The following GLRA2 variants were observed in gnomAD, a reference collection of about 807,000 sequenced individuals.
GLRA2 encodes the protein glycine receptor subunit alpha-2.
A neutral mutation model predicts 31.6 loss-of-function variants in GLRA2; 11 were observed. The observed-to-expected ratio is 0.35, with a 90% CI of 0.22 to 0.58. The LOEUF is 0.58. Among genes scored for constraint, GLRA2 ranks in the 20% least tolerant of loss-of-function variants. The pLI, the probability that GLRA2 is intolerant of heterozygous loss-of-function variation, is 0.84. For synonymous variants in GLRA2, 132 were observed against 134.0 expected (o/e 0.99, Z 0.10); for missense variants, 212 against 351.8 (o/e 0.60, Z 3.18).
chrX:14,708,024 A>C (rs1041842578), intron 8 of GLRA2, among the ~76,000 whole-genome samples: 4 of 108,074 alleles, frequency 3.7e-5, no homozygotes, highest in African/African-American at 1.4e-4. Context: ...TTCTTTCATG[A>C]GAACACTAAA....
chrX:14,535,502 C>A (rs2147002262), intron 2 of GLRA2, among the ~76,000 whole-genome samples: 1 of 112,214 alleles, frequency 8.9e-6, no homozygotes, highest in East Asian at 2.8e-4. Flanking sequence ...GAAAAAATAG[C>A]TTTTCTGATG....
chrX:14,616,367 CTT>C (rs1446127483), intron 7 of GLRA2, among the ~76,000 whole-genome samples: 1 of 111,111 alleles, frequency 9.0e-6, no homozygotes, highest in East Asian at 2.8e-4. Flanking sequence ...AGAACTGTCT[CTT>C]TGAAGCAAGG....
chrX:14,700,606 A>G (rs1229229775), intron 8 of GLRA2, among the ~76,000 whole-genome samples: 1 of 111,977 alleles, frequency 8.9e-6, no homozygotes, highest in Non-Finnish European at 1.9e-5. Flanking sequence ...GTCAGAGGAC[A>G]TTGGTAACCT....
chrX:14,730,891 TACACACACACACACACACACACAC>T lies in GLRA2; in HGVS notation c.*442_*465del, dbSNP rs55910036. 4.6e-3 allele frequency: 452 copies of T among 97,801 alleles called. 3 individuals carry two copies. Among genetic ancestry groups the T allele is most frequent in the East Asian group, 0.019 (67 of 3,490 alleles). The allele number at this position is 97,801 out of a possible 1,213,427, so 8.1% of individuals were successfully genotyped here. ...AATTCTGGTACTGAAAAGTTAGCTATACACACACACACACACACACACACACACACACACACACACACACACACA... is the reference window on the plus strand; with the variant it reads ...AATTCTGGTACTGAAAAGTTAGCTATACACACACACACACACACACACACA... On this transcript the variant is annotated 3_prime_UTR_variant, in exon 9 of 9. Coordinates refer to ENST00000218075, the MANE Select transcript of GLRA2 (RefSeq NM_002063.4).
intron 7 of GLRA2, among the ~76,000 whole-genome samples, chrX:14,626,805 C>G (rs1300336410): frequency 8.9e-6 from 1 of 112,046 alleles, no homozygotes; most frequent in Non-Finnish European, 1.9e-5. Flanking sequence ...AATGAAGGAA[C>G]TGCAGTCACA....
upstream of GLRA2, among the ~76,000 whole-genome samples, chrX:14,525,245 AAG>A (rs1336224508): frequency 9.0e-6 from 1 of 111,620 alleles, no homozygotes; most frequent in African/African-American, 3.3e-5. Context: ...CTCTTGTAAA[AAG>A]AGTACAGAAT....
At chrX:14,479,530 T>C in the GLRA2 span, among the ~76,000 whole-genome samples, 1 of 111,388 alleles carries the variant, frequency 9.0e-6, no homozygotes, top group Non-Finnish European at 1.9e-5. Context: ...TTTTCAACCC[T>C]GACTCCCCCT....
At chrX:14,596,096 A>G (rs1463675923) in intron 4 of GLRA2, among the ~76,000 whole-genome samples, 2 of 111,364 alleles carry the variant, frequency 1.8e-5, no homozygotes, top group African/African-American at 6.5e-5. Flanking sequence ...GACCAGTACC[A>G]TGAGATTTCC....
chrX:14,532,444 A>T, intron 2 of GLRA2, 72 bp downstream of exon 2: 1 of 613,784 alleles, frequency 1.6e-6, no homozygotes, highest in Non-Finnish European at 2.4e-6. Context: ...ACTGAAAAAC[A>T]TTTTCAGGGC....
chrX:14,597,900 G>C (rs753251265), intron 4 of GLRA2, among the ~76,000 whole-genome samples: 5 of 111,843 alleles, frequency 4.5e-5, no homozygotes, highest in African/African-American at 6.5e-5. Flanking sequence ...TGTCTGCCTT[G>C]TGTGATAATA....
the GLRA2 span, among the ~76,000 whole-genome samples, chrX:14,492,767 C>T: frequency 9.0e-6 from 1 of 111,652 alleles, no homozygotes; most frequent in African/African-American, 3.3e-5. Flanking sequence ...TAGTTTGTTC[C>T]TGCTGCTGTA....
At chrX:14,472,200 T>G in the GLRA2 span, among the ~76,000 whole-genome samples, 1 of 112,070 alleles carries the variant, frequency 8.9e-6, no homozygotes, top group African/African-American at 3.2e-5. Context: ...AGTTTGCTGA[T>G]GGCTGAACAC....
intron 4 of GLRA2, among the ~76,000 whole-genome samples, chrX:14,588,467 T>C (rs1253881580): frequency 8.9e-6 from 1 of 111,891 alleles, no homozygotes; most frequent in Non-Finnish European, 1.9e-5. Flanking sequence ...AGTACCATGT[T>C]GTTTTTATTA....
intron 8 of GLRA2, among the ~76,000 whole-genome samples, chrX:14,700,644 G>A (rs1031132772): frequency 3.6e-5 from 4 of 111,456 alleles, no homozygotes; most frequent in Non-Finnish European, 5.6e-5. Context: ...GTGGAGAGAC[G>A]GAGGCAGACA....
At chrX:14,493,676 TGTGTATAC>T in the GLRA2 span, among the ~76,000 whole-genome samples, 7 of 88,861 alleles carry the variant, frequency 7.9e-5, 1 homozygote, top group African/African-American at 3.5e-4. Context: ...TATGTATACA[TGTGTATAC>T]ATATACACGT....
intron 4 of GLRA2, among the ~76,000 whole-genome samples, chrX:14,591,523 G>T (rs1306962277): frequency 8.9e-6 from 1 of 111,776 alleles, no homozygotes. Flanking sequence ...TCAGCAAGTT[G>T]GCTCTTCCAT....
At position 14,530,209 on chromosome X, in the gene GLRA2, G is replaced by C. The variant is rs901081180; in HGVS notation, c.68+84G>C. Reference sequence around the variant, plus strand: ...TAATTGTGTATTTATCTGTGCTCTGGACTATATTATTTTAATTTTATAGAG... The same window carrying C: ...TAATTGTGTATTTATCTGTGCTCTGCACTATATTATTTTAATTTTATAGAG... On this transcript the variant is annotated intron_variant, in intron 1 of 8. Transcript: ENST00000218075. 3 of 575,893 alleles carry C rather than the reference G, an allele frequency of 5.2e-6. No individual in the cohort carries two copies. In the African/African-American group the frequency reaches 7.0e-5, roughly 13 times the overall value. The allele number at this position is 575,893 out of a possible 1,213,427, so 47.5% of individuals were successfully genotyped here. A position where few individuals can be genotyped will look rare whatever the true frequency, so the allele number is the denominator to read the frequency against.
the GLRA2 span, among the ~76,000 whole-genome samples, chrX:14,452,134 C>T: frequency 8.9e-6 from 1 of 112,228 alleles, no homozygotes; most frequent in African/African-American, 3.2e-5. Flanking sequence ...ATGTAACAAA[C>T]CTGCATATGC....
At chrX:14,455,298 T>C in the GLRA2 span, among the ~76,000 whole-genome samples, 3 of 112,025 alleles carry the variant, frequency 2.7e-5, no homozygotes, top group East Asian at 8.4e-4. Flanking sequence ...AAGATAATTA[T>C]AGTCTACGTG....
Sources: allele counts gnomAD v4.1 joint callset (sites outside exome capture counted in the v4.1 genomes callset), GRCh38; gene constraint gnomAD v4.1.1; transcripts MANE v1.5; gene names NCBI Gene and HGNC (gene_info 2026-07-23, HGNC 2026-07-21).